The following ZNF354A variants were observed in gnomAD, a reference collection of about 807,000 sequenced individuals.
The protein encoded by ZNF354A is epididymis luminal protein 104.
A neutral mutation model predicts 53.3 loss-of-function variants in ZNF354A; 25 were observed. The observed-to-expected ratio is 0.47, with a 90% CI of 0.34 to 0.66. The LOEUF (loss-of-function observed/expected upper bound fraction) is 0.66, where lower values mean the gene tolerates loss of function less well. Ranked by LOEUF, ZNF354A falls within the 30% of genes least tolerant of loss-of-function variation. The pLI is 0.01. For synonymous variants in ZNF354A, 228 were observed against 249.0 expected, an observed-to-expected ratio of 0.92 and a Z score of 0.79; for missense variants, 586 against 716.8, an observed-to-expected ratio of 0.82 and a Z score of 2.08.
chr5:178,728,519 G>A (rs1321848925), intron 2 of ZNF354A, among the ~76,000 whole-genome samples: 1 of 152,050 alleles, frequency 6.6e-6, no homozygotes, highest in African/African-American at 2.4e-5. Flanking sequence ...GCTGGGTGCA[G>A]TGGCGCACAT....
At chr5:178,714,790 T>C (rs1224875673) in intron 4 of ZNF354A, among the ~76,000 whole-genome samples, 1 of 152,130 alleles carries the variant, frequency 6.6e-6, no homozygotes, top group Non-Finnish European at 1.5e-5. Flanking sequence ...GCACATGTGT[T>C]ATACATACAT....
intron 3 of ZNF354A, 144 bp downstream of exon 3, chr5:178,726,855 A>G: frequency 7.9e-7 from 1 of 1,262,880 alleles, no homozygotes; most frequent in Non-Finnish European, 1.1e-6. Context: ...ATAGGTTTTT[A>G]ATGTTTATTT....
At chr5:178,720,271 C>T (rs1433846004) in intron 4 of ZNF354A, among the ~76,000 whole-genome samples, 1 of 152,160 alleles carries the variant, frequency 6.6e-6, no homozygotes, top group African/African-American at 2.4e-5. Flanking sequence ...TGGGCTGAAC[C>T]GCATCATTCA....
intron 4 of ZNF354A, among the ~76,000 whole-genome samples, chr5:178,720,316 T>C (rs1765789288): frequency 6.6e-6 from 1 of 152,174 alleles, no homozygotes. Context: ...TTCCAGGACC[T>C]CAGAACGTGA....
chr5:178,719,671 G>A (rs550057415), intron 4 of ZNF354A, among the ~76,000 whole-genome samples: 3 of 152,148 alleles, frequency 2.0e-5, no homozygotes, highest in African/African-American at 4.8e-5. Context: ...CTTGCGGCCG[G>A]GCGCGGTGGC....
At chr5:178,728,782 CAA>C (rs1157233878) in intron 2 of ZNF354A, among the ~76,000 whole-genome samples, 7 of 50,878 alleles carry the variant, frequency 1.4e-4, no homozygotes, top group African/African-American at 2.8e-4. Context: ...AAGCGAGATT[CAA>C]AAAAAAAAAA....
chr5:178,714,476 C>T (rs1765680691), intron 4 of ZNF354A, among the ~76,000 whole-genome samples: 1 of 152,058 alleles, frequency 6.6e-6, no homozygotes, highest in Admixed American at 6.6e-5. Context: ...TATTACTGAC[C>T]TTTATAATAT....
At chr5:178,720,634 C>T (rs946384682) in intron 4 of ZNF354A, among the ~76,000 whole-genome samples, 1 of 152,184 alleles carries the variant, frequency 6.6e-6, no homozygotes, top group Non-Finnish European at 1.5e-5. Flanking sequence ...TGATTTTGAC[C>T]TTCAGAACTG....
intron 4 of ZNF354A, among the ~76,000 whole-genome samples, chr5:178,718,833 A>G (rs892495961): frequency 2.6e-5 from 4 of 152,062 alleles, no homozygotes; most frequent in African/African-American, 9.7e-5. Flanking sequence ...CCAGGGCTCA[A>G]GCGATTCTCC....
chr5:178,722,067 TG>T (rs1240574124), intron 4 of ZNF354A, among the ~76,000 whole-genome samples: 1 of 152,198 alleles, frequency 6.6e-6, no homozygotes, highest in African/African-American at 2.4e-5. Flanking sequence ...CAATGTCACC[TG>T]CCTCTCCTGA....
chr5:178,721,121 T>C (rs1765804449), intron 4 of ZNF354A, among the ~76,000 whole-genome samples: 1 of 152,226 alleles, frequency 6.6e-6, no homozygotes, highest in South Asian at 2.1e-4. Flanking sequence ...ACCTTAGAGA[T>C]AACCATTTTT....
chr5:178,716,424 C>T (rs1297347963), intron 4 of ZNF354A, among the ~76,000 whole-genome samples: 2 of 152,204 alleles, frequency 1.3e-5, no homozygotes, highest in East Asian at 3.9e-4. Context: ...AGGAGCACTC[C>T]ATGACTTGAC....
rs1240699226 is a variant in ZNF354A, at chr5:178,712,170, T to C, written c.1708A>G (p.Arg570Gly). The C allele has an allele frequency of 1.2e-6, 2 of 1,614,140 alleles. No individual in the cohort carries two copies. Among genetic ancestry groups the C allele is most frequent in the Non-Finnish European group, 1.7e-6 (2 of 1,179,996 alleles). The stretch of plus-strand genomic sequence containing the variant: ...TAGGGTTTCTCTCCAGTATGAATTC[T>C]CTGATGTGCAATACGTGATGAGCTT... Reference protein sequence around the residue: ...RQSSSRIAHQRIHTGEKPYEC... With the variant: ...RQSSSRIAHQGIHTGEKPYEC... The change falls in exon 5 of 5, where the codon AGA becomes GGA. Residue 570 changes from arginine (R) to glycine (G), a missense_variant. Coordinates refer to ENST00000335815, the MANE Select transcript of ZNF354A (RefSeq NM_005649.3).
chr5:178,719,784 A>G (rs1363538635), intron 4 of ZNF354A, among the ~76,000 whole-genome samples: 2 of 151,958 alleles, frequency 1.3e-5, no homozygotes, highest in African/African-American at 4.8e-5. Context: ...CGTCTCTACT[A>G]AAAATACAAA....
At chr5:178,716,272 CTGAAGTCTCTTAAGAGTCT>C (rs996152077) in intron 4 of ZNF354A, among the ~76,000 whole-genome samples, 7 of 152,166 alleles carry the variant, frequency 4.6e-5, no homozygotes, top group African/African-American at 7.2e-5. Flanking sequence ...TGATTCACAT[CTGAAGTCTCTTAAGAGTCT>C]TGAAGACTCT....
chr5:178,725,999 C>G, intron 3 of ZNF354A: 1 of 324,838 alleles, frequency 3.1e-6, no homozygotes. Context: ...AGGAACATGC[C>G]ACCACGCCTA....
chr5:178,711,817 G>T lies in ZNF354A; in HGVS notation c.*243C>A. Reference sequence around the variant, plus strand: ...GAAAAAGCAAACCCATTTCACAAATGGCTAAAGTCAATGTCTTCAATTGTA... The same window carrying T: ...GAAAAAGCAAACCCATTTCACAAATTGCTAAAGTCAATGTCTTCAATTGTA... On this transcript the variant is annotated 3_prime_UTR_variant, in exon 5 of 5. Coordinates refer to ENST00000335815, the MANE Select transcript of ZNF354A (RefSeq NM_005649.3). The T allele has an allele frequency of 2.5e-6, 1 of 398,472 alleles. No homozygotes were observed. Among genetic ancestry groups the T allele is most frequent in the Non-Finnish European group, 4.4e-6 (1 of 229,686 alleles). The allele number at this position is 398,472 out of a possible 1,614,324, so 24.7% of individuals were successfully genotyped here. A position where few individuals can be genotyped will look rare whatever the true frequency, so the allele number is the denominator to read the frequency against.
chr5:178,730,516 GC>G (rs1766014711), intron 1 of ZNF354A, 39 bp downstream of exon 1: 1 of 152,104 alleles, frequency 6.6e-6, no homozygotes, highest in African/African-American at 2.4e-5. Context: ...CCCGTGCCGG[GC>G]GCCGCCTCCT....
In ZNF354A at chr5:178,712,127, C is replaced by T; in HGVS notation, c.1751G>A (p.Gly584Glu). Reference protein sequence around the residue: ...GEKPYECNTCGKLFNHRSSLT... With the variant: ...GEKPYECNTCEKLFNHRSSLT... The stretch of plus-strand genomic sequence containing the variant: ...GGATGACCTATGGTTGAAAAGTTTC[C>T]CACATGTATTACATTCATAGGGTTT... The change falls in exon 5 of 5, where the codon GGG (glycine) becomes GAG (glutamate). Residue 584 changes from glycine (G) to glutamate (E), a missense_variant. By Grantham distance (98) the Gly-to-Glu change is moderately conservative. This residue lies in a region of ZNF354A where 573 missense variants were observed against 680.1 expected (regional missense o/e 0.84). Transcript: ENST00000335815. The T allele has an allele frequency of 6.2e-7, 1 of 1,613,386 alleles. No individual in the cohort carries two copies. The highest frequency in any genetic ancestry group is 8.5e-7 in the Non-Finnish European group (1 of 1,179,566).
Sources: gnomAD v4.1 joint callset for allele counts (sites outside exome capture counted in the v4.1 genomes callset) on GRCh38, gnomAD v4.1.1 for gene constraint, gnomAD v4.1.1 regional missense constraint, MANE v1.5 for transcripts, NCBI Gene and HGNC (gene_info 2026-07-23, HGNC 2026-07-21) for gene names.